The following HTRA2 variants were observed in gnomAD, a reference collection of about 807,000 sequenced individuals.
HTRA2 encodes the protein HtrA serine peptidase 2.
In HTRA2, 24 loss-of-function variants were observed where a neutral mutation model predicts 42.2. The observed-to-expected ratio is 0.57, with a 90% CI of 0.41 to 0.80. HTRA2 has a LOEUF of 0.80. Among genes scored for constraint, HTRA2 ranks in the 30% least tolerant of loss-of-function variants. The probability of loss-of-function intolerance (pLI) is 0.00; values close to 1 mark genes in which losing one functional copy is unlikely to be tolerated. For missense variants in HTRA2, 466 were observed against 613.5 expected, an observed-to-expected ratio of 0.76 and a Z score of 2.54; for synonymous variants, 245 against 255.8, an observed-to-expected ratio of 0.96 and a Z score of 0.40.
upstream of HTRA2, chr2:74,529,853 G>C: frequency 7.1e-7 from 1 of 1,418,066 alleles, no homozygotes. Context: ...CATTCGTGGG[G>C]CAGGGAGGAG....
At chr2:74,532,016 T>A in intron 6 of HTRA2, 91 bp downstream of exon 6, 4 of 1,208,912 alleles carry the variant, frequency 3.3e-6, no homozygotes, top group Non-Finnish European at 4.8e-6. Context: ...TCTGTCTTTA[T>A]CTAAGATGAA....
Position 74,530,615 on chromosome 2 carries a change from A to G in HTRA2, c.507-2A>G. The G allele has an allele frequency of 1.2e-6, 2 of 1,614,064 alleles. No homozygotes were observed. The highest frequency in any genetic ancestry group is 1.7e-6 in the Non-Finnish European group (2 of 1,180,038). On this transcript the variant is annotated splice_acceptor_variant, in intron 1 of 7. Coordinates refer to ENST00000258080, the MANE Select transcript of HTRA2 (RefSeq NM_013247.5). LOFTEE classifies it high-confidence loss of function. This position sits in a 1 kb window ranked among gnomAD's most constrained non-coding sequence, Gnocchi z 7.4. Reference sequence around the variant, plus strand: ...CTTATCTGTGCTTTCCCTCCATTTCAGGCACCCTTTCTTGGGCCGCGAGGT... The same window carrying G: ...CTTATCTGTGCTTTCCCTCCATTTCGGGCACCCTTTCTTGGGCCGCGAGGT...
upstream of HTRA2, chr2:74,529,810 C>T: frequency 7.0e-7 from 1 of 1,431,436 alleles, no homozygotes; most frequent in Non-Finnish European, 9.1e-7. Context: ...GGCCGTCTCA[C>T]AACTCGCGTC....
At chr2:74,531,951 G>A (rs746443674) in intron 6 of HTRA2, 26 bp downstream of exon 6, 26 of 1,607,840 alleles carry the variant, frequency 1.6e-5, no homozygotes, top group Non-Finnish European at 2.2e-5. Flanking sequence ...ACAGTGACAT[G>A]TAATGTGACC....
Position 74,530,888 on chromosome 2 carries a change from C to T in HTRA2, c.712-23C>T. 2 of 1,614,162 alleles carry T rather than the reference C, an allele frequency of 1.2e-6. No individual in the cohort carries two copies. The highest frequency in any genetic ancestry group is 1.7e-6 in the Non-Finnish European group (2 of 1,180,030). ...TTGCTCGCATCTTCAGATGACAGGT[C>T]TCTTTTACCCATTCTCCCTTAGGAG... On this transcript the variant is annotated intron_variant, in intron 2 of 7. Transcript: ENST00000258080. The surrounding 1 kb of genome is among the most constrained non-coding windows in gnomAD (Gnocchi z 7.4).
At chr2:74,532,434 C>T in intron 6 of HTRA2, 185 bp from the exon 7 acceptor site, 1 of 648,630 alleles carries the variant, frequency 1.5e-6, no homozygotes, top group Non-Finnish European at 2.8e-6. Flanking sequence ...ATGTGGTGTA[C>T]ATCTTTTATG....
rs766628197 is a variant in HTRA2 at position 74,530,824 on chromosome 2, G to A, written c.711+3G>A. ...CAACGCTGAGGATTCAGACTAAGGT[G>A]GGGGCTGGGGTAGGCCAGGTCTGGT... On this transcript the variant is annotated splice_donor_region_variant and intron_variant, in intron 2 of 7. Coordinates refer to ENST00000258080, the MANE Select transcript of HTRA2 (RefSeq NM_013247.5). This position sits in a 1 kb window ranked among gnomAD's most constrained non-coding sequence, Gnocchi z 7.4. The A allele has an allele frequency of 7.4e-6, 12 of 1,614,168 alleles. No individual in the cohort carries two copies. Among genetic ancestry groups the A allele is most frequent in the South Asian group, 1.1e-5 (1 of 91,082 alleles).
intron 7 of HTRA2, 47 bp downstream of exon 7, chr2:74,532,761 T>C (rs1194720272): frequency 3.7e-6 from 6 of 1,611,908 alleles, no homozygotes; most frequent in Non-Finnish European, 5.1e-6. Flanking sequence ...AAGGTGTGCA[T>C]GTGTCCTTGA....
intron 4 of HTRA2, 74 bp downstream of exon 4, chr2:74,531,445 A>C (rs1270464242): frequency 1.2e-6 from 2 of 1,606,878 alleles, no homozygotes; most frequent in Admixed American, 3.3e-5. Context: ...CCCCTAATTC[A>C]AGGATGTTTG....
In HTRA2 at chr2:74,530,302, C is replaced by T. The variant is rs772453890; in HGVS notation, c.296C>T (p.Ser99Phe). The change falls in exon 1 of 8, where the codon TCT becomes TTT. Residue 99 changes from serine to phenylalanine, a missense_variant. Ser to Phe is a radical substitution (Grantham distance 155, BLOSUM62 -2). This residue lies in a region of HTRA2 where 222 missense variants were observed against 205.1 expected (regional missense o/e 1.08). Transcript: ENST00000258080. This position sits in a 1 kb window ranked among gnomAD's most constrained non-coding sequence, Gnocchi z 7.4. ...DTRTREASENSGTRSRAWLAV... is the reference protein window; with the variant it reads ...DTRTREASENFGTRSRAWLAV... The stretch of plus-strand genomic sequence containing the variant: ...AGGACCCGGGAGGCCTCAGAGAACT[C>T]TGGAACCCGTTCGCGCGCGTGGCTG... 2 of 1,601,302 alleles carry T rather than the reference C, an allele frequency of 1.2e-6. No individual in the cohort carries two copies. Among genetic ancestry groups the T allele is most frequent in the Non-Finnish European group, 1.7e-6 (2 of 1,172,210 alleles).
At chr2:74,532,791 C>A in intron 7 of HTRA2, 29 bp from the exon 8 acceptor site, 1 of 1,614,002 alleles carries the variant, frequency 6.2e-7, no homozygotes, top group Non-Finnish European at 8.5e-7. Flanking sequence ...TGTACTCCTT[C>A]CTTTCTCTCT....
At chr2:74,532,739 A>T in intron 7 of HTRA2, 25 bp downstream of exon 7, 17 of 1,612,420 alleles carry the variant, frequency 1.1e-5, no homozygotes, top group Non-Finnish European at 1.4e-5. Context: ...GCAGTGTGAT[A>T]TGGGGATGGG....
Position 74,533,084 on chromosome 2 carries a change from G to C in HTRA2, c.*99G>C, listed in dbSNP as rs902838783. ...GAGACAGAGGGTTAAATGAACCAGT[G>C]GGGGCAGGTCCCTCCAACCACCAGC... is the stretch of plus-strand genomic sequence containing the variant. On this transcript the variant is annotated 3_prime_UTR_variant, in exon 8 of 8. Transcript: ENST00000258080. The C allele has an allele frequency of 8.6e-6, 10 of 1,166,898 alleles. No homozygotes were observed. The highest frequency in any genetic ancestry group is 2.4e-5 in the East Asian group (1 of 42,544). The allele number at this position is 1,166,898 out of a possible 1,614,324, so 72.3% of individuals were successfully genotyped here. A position where few individuals can be genotyped will look rare whatever the true frequency, so the allele number is the denominator to read the frequency against.
Position 74,530,051 on chromosome 2 carries a change from G to C in HTRA2, c.45G>C (p.Arg15=), listed in dbSNP as rs995598480. ...GGCGGGGTGCAGGCTGGAGCCTTCG[G>C]GCATGGCGGGCTTTGGGGGGCATTC... ...RAGRGAGWSL[R]AWRALGGIRW... The change falls in exon 1 of 8, where the codon CGG becomes CGC. Residue 15 remains arginine, a synonymous_variant. Coordinates refer to ENST00000258080, the MANE Select transcript of HTRA2 (RefSeq NM_013247.5). The surrounding 1 kb of genome is among the most constrained non-coding windows in gnomAD (Gnocchi z 7.4). 1 of 1,582,332 alleles carries C rather than the reference G, an allele frequency of 6.3e-7. No individual in the cohort carries two copies. The highest frequency in any genetic ancestry group is 8.6e-7 in the Non-Finnish European group (1 of 1,158,442).
Position 74,530,531 on chromosome 2 carries a change from C to G in HTRA2, c.506+19C>G. 1 of 1,613,228 alleles carries G rather than the reference C, an allele frequency of 6.2e-7. No homozygotes were observed. The highest frequency in any genetic ancestry group is 2.2e-5 in the East Asian group (1 of 44,874). ...TGGACCGGTAATGGTGGGGGTAGAC[C>G]GGGAGGCACTGAAGCCACAGGCTGG... is the stretch of plus-strand genomic sequence containing the variant. On this transcript the variant is annotated intron_variant, in intron 1 of 7. Coordinates refer to ENST00000258080, the MANE Select transcript of HTRA2 (RefSeq NM_013247.5). This position sits in a 1 kb window ranked among gnomAD's most constrained non-coding sequence, Gnocchi z 7.4.
Position 74,530,730 on chromosome 2 carries a change from G to T in HTRA2, c.620G>T (p.Arg207Leu). 1.2e-6 allele frequency: 2 copies of T among 1,614,204 alleles called. No homozygotes were observed. The highest frequency in any genetic ancestry group is 1.7e-6 in the Non-Finnish European group (2 of 1,180,028). ...GTGGTGGCTGATCGGCGCAGAGTCCGTGTGAGACTGCTAAGCGGCGACACG... is the reference window on the plus strand; with the variant it reads ...GTGGTGGCTGATCGGCGCAGAGTCCTTGTGAGACTGCTAAGCGGCGACACG... Reference protein sequence around the residue: ...AHVVADRRRVRVRLLSGDTYE... With the variant: ...AHVVADRRRVLVRLLSGDTYE... The change falls in exon 2 of 8, where the codon CGT (arginine) becomes CTT (leucine). Residue 207 changes from arginine to leucine, a missense_variant. Around this residue, in one of 3 missense-constraint regions of HTRA2, gnomAD observed 115 missense variants for 245.4 expected, o/e 0.47. Coordinates refer to ENST00000258080, the MANE Select transcript of HTRA2 (RefSeq NM_013247.5). The surrounding 1 kb of genome is among the most constrained non-coding windows in gnomAD (Gnocchi z 7.4).
chr2:74,532,431 G>A (rs893624200), intron 6 of HTRA2, 188 bp from the exon 7 acceptor site: 4 of 646,340 alleles, frequency 6.2e-6, no homozygotes, highest in South Asian at 1.6e-5. Context: ...CTCATGTGGT[G>A]TACATCTTTT....
chr2:74,532,814 C>G lies in HTRA2; in HGVS notation c.1212-6C>G. On this transcript the variant is annotated splice_polypyrimidine_tract_variant and splice_region_variant and intron_variant, in intron 7 of 7. Transcript: ENST00000258080. ...TTCCTTTCTCTCTGTCCATTTTTCT[C>G]TATAGGGCTGGTCTGCGGCCTGGTG... The G allele has an allele frequency of 6.2e-7, 1 of 1,614,104 alleles. No homozygotes were observed. Among genetic ancestry groups the G allele is most frequent in the South Asian group, 1.1e-5 (1 of 91,064 alleles).
chr2:74,530,082 G>T lies in HTRA2; in HGVS notation c.76G>T (p.Gly26Trp). The T allele has an allele frequency of 4.4e-6, 7 of 1,595,692 alleles. No individual in the cohort carries two copies. The highest frequency in any genetic ancestry group is 6.0e-6 in the Non-Finnish European group (7 of 1,166,118). ...GCGGGCTTTGGGGGGCATTCGCTGG[G>T]GGAGGAGACCCCGTTTGACCCCTGA... The part of the protein sequence containing the change: ...AWRALGGIRW[G>W]RRPRLTPDLR... Residue 26 changes from glycine (G) to tryptophan (W), a missense_variant, in exon 1 of 8, where the codon GGG becomes TGG. Physicochemically the swap from Gly to Trp is radical, Grantham distance 184. This residue lies in a region of HTRA2 where 222 missense variants were observed against 205.1 expected (regional missense o/e 1.08). Transcript: ENST00000258080. This position sits in a 1 kb window ranked among gnomAD's most constrained non-coding sequence, Gnocchi z 7.4.
Sources: allele counts gnomAD v4.1 joint callset, GRCh38; gene constraint gnomAD v4.1.1; regional missense constraint gnomAD v4.1.1; non-coding constraint Gnocchi (gnomAD v3.1); transcripts MANE v1.5; gene names NCBI Gene and HGNC (gene_info 2026-07-23, HGNC 2026-07-21).